PMS2: variants seen among roughly 807,000 people sequenced by gnomAD.
PMS2 encodes the protein mismatch repair endonuclease PMS2.
Under a neutral mutation model 90.0 loss-of-function variants are expected in PMS2, and 69 were observed. The ratio of observed to expected loss-of-function variants is 0.77; its 90% CI spans 0.63 to 0.94. The LOEUF (loss-of-function observed/expected upper bound fraction) is 0.94. PMS2 is among the 40% of genes least tolerant of loss of function. The pLI is 0.00. For synonymous variants in PMS2, 332 were observed against 375.1 expected (o/e 0.89, Z 1.33); for missense variants, 966 against 1,040.2 (o/e 0.93, Z 0.98).
intron 1 of PMS2, among the ~76,000 whole-genome samples, chr7:6,006,638 C>CAA (rs113891679): frequency 3.2e-4 from 45 of 139,204 alleles, no homozygotes; most frequent in African/African-American, 1.1e-3. Context: ...GGGCAACGAG[C>CAA]AAAAAAAAAA....
intron 11 of PMS2, among the ~76,000 whole-genome samples, chr7:5,984,767 AGAGT>A (rs1377488918): frequency 6.6e-6 from 1 of 151,682 alleles, no homozygotes; most frequent in Non-Finnish European, 1.5e-5. Flanking sequence ...CCTGGGCGAA[AGAGT>A]GAGACTCTTG....
At chr7:5,984,747 T>G (rs1314177745) in intron 11 of PMS2, among the ~76,000 whole-genome samples, 1 of 151,612 alleles carries the variant, frequency 6.6e-6, no homozygotes, top group Non-Finnish European at 1.5e-5. Flanking sequence ...ATCGTGCCAG[T>G]GCACTCCAGC....
chr7:5,976,969 T>A (rs946087946), intron 14 of PMS2, among the ~76,000 whole-genome samples: 5 of 123,092 alleles, frequency 4.1e-5, no homozygotes, highest in African/African-American at 1.4e-4. Context: ...ACGTCAAGGC[T>A]GCAGTGAGCT....
chr7:5,993,679 G>C (rs1784030794), intron 8 of PMS2, among the ~76,000 whole-genome samples: 3 of 151,232 alleles, frequency 2.0e-5, no homozygotes, highest in Non-Finnish European at 2.9e-5. Flanking sequence ...TGGCCAATGT[G>C]GTGAAACCCC....
At chr7:6,008,220 G>A (rs962940206) in intron 1 of PMS2, among the ~76,000 whole-genome samples, 2 of 152,054 alleles carry the variant, frequency 1.3e-5, no homozygotes, top group Non-Finnish European at 2.9e-5. Context: ...TTATTTAAAT[G>A]TCTCAATACA....
intron 13 of PMS2, 45 bp from the exon 14 acceptor site, chr7:5,977,802 C>T (rs1433118099): frequency 3.2e-6 from 5 of 1,574,880 alleles, no homozygotes; most frequent in South Asian, 1.1e-5. Flanking sequence ...TTGACAAACA[C>T]GTTTCACTTG....
intron 2 of PMS2, among the ~76,000 whole-genome samples, chr7:6,004,633 T>C (rs529481989): frequency 5.4e-4 from 81 of 151,024 alleles, no homozygotes; most frequent in African/African-American, 1.9e-3. Flanking sequence ...GAGAATCACT[T>C]GAACCCAGGA....
Position 6,003,971 on chromosome 7 carries a change from C to T in PMS2, c.250+1G>A, listed in dbSNP as rs1785410333. On this transcript the variant is annotated splice_donor_variant, in intron 3 of 14. Transcript: ENST00000265849. LOFTEE classifies it high-confidence loss of function. Reference sequence around the variant, plus strand: ...AATAGGATTAGAAAAAGTCAACTTACTTAAGCCTTCGAAGTTTTCTTCTTC... The same window carrying T: ...AATAGGATTAGAAAAAGTCAACTTATTTAAGCCTTCGAAGTTTTCTTCTTC... The T allele has an allele frequency of 6.3e-7, 1 of 1,580,922 alleles. No homozygotes were observed. The highest frequency in any genetic ancestry group is 1.3e-5 in the African/African-American group (1 of 74,246).
In PMS2 at chr7:6,008,988, C is replaced by A; in HGVS notation, c.23+9G>T. On this transcript the variant is annotated intron_variant, in intron 1 of 14. Coordinates refer to ENST00000265849, the MANE Select transcript of PMS2 (RefSeq NM_000535.7). ...GAGGGGACACCGGAAGACTGCGAGC[C>A]CCGCTCACCTCGAGCTCTCAGCTCG... is the stretch of plus-strand genomic sequence containing the variant. 6.2e-7 allele frequency: 1 copy of A among 1,612,678 alleles called. No individual in the cohort carries two copies. Among genetic ancestry groups the A allele is most frequent in the Non-Finnish European group, 8.5e-7 (1 of 1,179,834 alleles).
At chr7:5,990,712 C>G (rs1014994623) in intron 9 of PMS2, among the ~76,000 whole-genome samples, 4 of 152,004 alleles carry the variant, frequency 2.6e-5, no homozygotes, top group African/African-American at 9.7e-5. Flanking sequence ...AATTTATATT[C>G]AGAATAATTA....
At position 5,994,238 on chromosome 7, in the gene PMS2, G is replaced by A. The variant is rs541968291; in HGVS notation, c.903+1296C>T. Among the ~76,000 whole-genome samples, 34 of 151,600 alleles carry A rather than the reference G, an allele frequency of 2.2e-4. No individual in the cohort carries two copies. In the South Asian group the frequency reaches 4.0e-3, roughly 18 times the overall value. On this transcript the variant is annotated intron_variant, in intron 8 of 14. Coordinates refer to ENST00000265849, the MANE Select transcript of PMS2 (RefSeq NM_000535.7). ...CTACTAAAGACACAAAAACTTAGCC[G>A]GGCGTGGTGGCGCGCGCCTGTAATC...
intron 11 of PMS2, among the ~76,000 whole-genome samples, chr7:5,984,541 T>C (rs899258988): frequency 2.5e-4 from 38 of 151,660 alleles, no homozygotes; most frequent in African/African-American, 8.8e-4. Flanking sequence ...TCCCAGCACT[T>C]TGGGAAGACA....
chr7:6,006,063 G>C (rs1471514909), intron 1 of PMS2, 32 bp from the exon 2 acceptor site: 2 of 1,607,914 alleles, frequency 1.2e-6, no homozygotes, highest in Non-Finnish European at 1.7e-6. Context: ...AACAAATCAA[G>C]TATTCAGCTA....
intron 11 of PMS2, among the ~76,000 whole-genome samples, chr7:5,984,963 C>A (rs1782699080): frequency 6.6e-6 from 1 of 151,812 alleles, no homozygotes; most frequent in African/African-American, 2.4e-5. Flanking sequence ...GTGAGGGGCT[C>A]CACACAGAGC....
At chr7:5,993,995 G>T (rs1430263299) in intron 8 of PMS2, among the ~76,000 whole-genome samples, 1 of 151,398 alleles carries the variant, frequency 6.6e-6, no homozygotes, top group Admixed American at 6.6e-5. Flanking sequence ...TAAATATACT[G>T]GTAATATGTG....
At position 5,997,313 on chromosome 7, in the gene PMS2, G is replaced by A. The variant is rs1309492088; in HGVS notation, c.803+13C>T. Reference sequence around the variant, plus strand: ...ATGTTCAATTGTAGTTCTCTTGCCAGCAATCTACTTACTAAAAAAGATTAT... The same window carrying A: ...ATGTTCAATTGTAGTTCTCTTGCCAACAATCTACTTACTAAAAAAGATTAT... On this transcript the variant is annotated intron_variant, in intron 7 of 14. Transcript: ENST00000265849. The A allele has an allele frequency of 1.6e-6, 2 of 1,266,722 alleles. No individual in the cohort carries two copies. Among genetic ancestry groups the A allele is most frequent in the East Asian group, 2.3e-5 (1 of 43,210 alleles). The allele number at this position is 1,266,722 out of a possible 1,614,324, so 78.5% of individuals were successfully genotyped here.
chr7:5,999,217 C>T lies in PMS2; in HGVS notation c.596G>A (p.Arg199His), dbSNP rs876658387. 3.7e-6 allele frequency: 6 copies of T among 1,613,842 alleles called. No individual in the cohort carries two copies. The highest frequency in any genetic ancestry group is 2.2e-5 in the East Asian group (1 of 44,892). The stretch of plus-strand genomic sequence containing the variant: ...TCCAAGCTGATTGGTGCAACTTACA[C>T]GGATGCCTGCTGAAATGATACAGTA... ...HAYCIISAGI[R>H]VSCTNQLGQG... The change falls in exon 6 of 15, where the codon CGT becomes CAT. Residue 199 changes from arginine (R) to histidine (H), a missense_variant. Transcript: ENST00000265849.
intron 1 of PMS2, among the ~76,000 whole-genome samples, chr7:6,006,932 T>A (rs998308119): frequency 3.3e-5 from 5 of 152,096 alleles, no homozygotes; most frequent in Non-Finnish European, 7.4e-5. Context: ...AGAGCTATTT[T>A]TGAAATCACA....
At chr7:6,001,699 T>A (rs1785104876) in intron 5 of PMS2, among the ~76,000 whole-genome samples, 1 of 151,314 alleles carries the variant, frequency 6.6e-6, no homozygotes, top group Admixed American at 6.6e-5. Context: ...TATAAGTACA[T>A]AAGGCCAGGC....
Sources: allele counts gnomAD v4.1 joint callset (sites outside exome capture counted in the v4.1 genomes callset), GRCh38; gene constraint gnomAD v4.1.1; transcripts MANE v1.5; gene names NCBI Gene and HGNC (gene_info 2026-07-23, HGNC 2026-07-21).